Variants in PTPRN2 observed in about 807,000 individuals in gnomAD.
The protein encoded by PTPRN2 is protein tyrosine phosphatase receptor type N2.
PTPRN2 carries 74 observed loss-of-function variants against 118.8 expected under a neutral mutation model. The observed-to-expected ratio is 0.62, with a 90% confidence interval of 0.52 to 0.76. The LOEUF (loss-of-function observed/expected upper bound fraction) is 0.76, where lower values mean the gene tolerates loss of function less well. PTPRN2 is among the 30% of genes least tolerant of loss of function. PTPRN2 has a pLI of 0.00. For missense variants in PTPRN2, 1,481 were observed against 1,394.4 expected, an observed-to-expected ratio of 1.06 and a Z score of -0.99; for synonymous variants, 641 against 608.0, an observed-to-expected ratio of 1.05 and a Z score of -0.80.
rs982535399 is a variant in PTPRN2, at chr7:158,544,659, G to T, written c.112+42899C>A. Among the ~76,000 whole-genome samples, 1 of 152,010 alleles carries T rather than the reference G, an allele frequency of 6.6e-6. No individual in the cohort carries two copies. Among genetic ancestry groups the T allele is most frequent in the African/African-American group, 2.4e-5 (1 of 41,380 alleles). The stretch of plus-strand genomic sequence containing the variant: ...GTCTCAAAAAAAAAAAAAATTATGA[G>T]ATTTTTTTGCAATTTTTTAAAGCTC... On this transcript the variant is annotated intron_variant, in intron 1 of 22. Coordinates refer to ENST00000389418, the MANE Select transcript of PTPRN2 (RefSeq NM_002847.5). This position sits in a 1 kb window ranked among gnomAD's most constrained non-coding sequence, Gnocchi z 4.2.
chr7:158,045,496 G>A (rs116934860), intron 11 of PTPRN2, among the ~76,000 whole-genome samples: 2,272 of 152,272 alleles, frequency 0.015, 34 homozygotes, highest in Middle Eastern at 0.071. Flanking sequence ...TGAGAAACAG[G>A]AAGGAGAGGA....
chr7:157,629,020 C>T lies in PTPRN2; in HGVS notation c.2197-7511G>A, dbSNP rs947656949. Among the ~76,000 whole-genome samples, 1 of 152,172 alleles carries T rather than the reference C, an allele frequency of 6.6e-6. No homozygotes were observed. Among genetic ancestry groups the T allele is most frequent in the Non-Finnish European group, 1.5e-5 (1 of 68,034 alleles). On this transcript the variant is annotated intron_variant, in intron 14 of 22. Transcript: ENST00000389418. The surrounding 1 kb of genome is among the most constrained non-coding windows in gnomAD (Gnocchi z 4.4). ...CAATTTCTCCGGTGGGAAGAGCACA[C>T]CAGCATCCCGTGTGCATCTGATGCA...
At chr7:158,365,836 G>GCA (rs112947057) in intron 2 of PTPRN2, among the ~76,000 whole-genome samples, 7,892 of 14,716 alleles carry the variant, frequency 0.54, 1,365 homozygotes, top group African/African-American at 0.59. Context: ...GTGCATGCGT[G>GCA]CACACACACA....
intron 11 of PTPRN2, among the ~76,000 whole-genome samples, chr7:157,934,361 G>C (rs940334649): frequency 1.3e-5 from 2 of 152,192 alleles, no homozygotes; most frequent in Admixed American, 6.5e-5. Flanking sequence ...GAAGATTTCA[G>C]TATTCATGGC....
At chr7:158,255,491 A>G (rs1385351312) in intron 3 of PTPRN2, among the ~76,000 whole-genome samples, 1 of 152,232 alleles carries the variant, frequency 6.6e-6, no homozygotes, top group Non-Finnish European at 1.5e-5. Flanking sequence ...AACTTGCCTC[A>G]GCACGACAGC....
chr7:158,026,116 G>T (rs1277939191), intron 11 of PTPRN2, among the ~76,000 whole-genome samples: 1 of 152,252 alleles, frequency 6.6e-6, no homozygotes, highest in Non-Finnish European at 1.5e-5. Flanking sequence ...GATGGAAACC[G>T]GGGTCGGCGC....
chr7:157,729,392 C>A lies in PTPRN2; in HGVS notation c.1789-46455G>T, dbSNP rs1796245. Among the ~76,000 whole-genome samples the A allele has an allele frequency of 0.3, 45,550 of 151,664 alleles. 7,377 individuals carry two copies. The highest frequency in any genetic ancestry group is 0.62 in the East Asian group (3,178 of 5,098). On this transcript the variant is annotated intron_variant, in intron 12 of 22. Transcript: ENST00000389418. The surrounding 1 kb of genome is among the most constrained non-coding windows in gnomAD (Gnocchi z 4.3). ...GGATGCCTTCAGGTCCCGGACCCCC[C>A]ACTCTGCTCCCGTGGACAGCTCCAT...
rs375766003 is a variant in PTPRN2 at position 158,484,959 on chromosome 7, G to A, written c.163+4776C>T. 1.3e-3 allele frequency among the ~76,000 whole-genome samples: 202 copies of A among 152,282 alleles called. 3 individuals are homozygous for A. The South Asian group carries it at 0.022, about 16-fold the overall frequency. On this transcript the variant is annotated intron_variant, in intron 2 of 22. Transcript: ENST00000389418. Reference sequence around the variant, plus strand: ...CAGGAGGAGCCTCCCCACCATCAGCGTGGCCGGCGGAGTGAGCCACGAGCG... The same window carrying A: ...CAGGAGGAGCCTCCCCACCATCAGCATGGCCGGCGGAGTGAGCCACGAGCG...
At chr7:157,830,123 A>G (rs116038256) in intron 12 of PTPRN2, among the ~76,000 whole-genome samples, 3,052 of 118,362 alleles carry the variant, frequency 0.026, 80 homozygotes, top group South Asian at 0.093. Flanking sequence ...TCTTGGTCCC[A>G]TGGGAAGTGC....
chr7:157,883,993 A>C (rs1796318996), intron 12 of PTPRN2, among the ~76,000 whole-genome samples: 1 of 152,102 alleles, frequency 6.6e-6, no homozygotes, highest in African/African-American at 2.4e-5. Context: ...ATCACCCCAA[A>C]AATGACTGTT....
intron 2 of PTPRN2, among the ~76,000 whole-genome samples, chr7:158,409,675 A>G (rs1414183015): frequency 6.6e-6 from 1 of 151,356 alleles, no homozygotes; most frequent in Non-Finnish European, 1.5e-5. Flanking sequence ...ACAACAGAAA[A>G]CCTCCACTGG....
At chr7:158,146,521 A>G (rs1445674102) in intron 6 of PTPRN2, among the ~76,000 whole-genome samples, 1 of 152,014 alleles carries the variant, frequency 6.6e-6, no homozygotes, top group African/African-American at 2.4e-5. Flanking sequence ...GGAGATCAAG[A>G]CCATCCTGAC....
At chr7:158,273,523 AGGAGCCGCAGACACGG>A (rs1224656012) in intron 3 of PTPRN2, among the ~76,000 whole-genome samples, 6 of 50,294 alleles carry the variant, frequency 1.2e-4, no homozygotes, top group Non-Finnish European at 1.9e-4. Flanking sequence ...CAGACATGGG[AGGAGCCGCAGACACGG>A]GGAGCCGCAG....
chr7:157,939,149 C>G (rs10949675), intron 11 of PTPRN2, among the ~76,000 whole-genome samples: 2 of 150,904 alleles, frequency 1.3e-5, no homozygotes, highest in Non-Finnish European at 2.9e-5. Flanking sequence ...CAGGTCCCCA[C>G]CTCAATAGCA....
At chr7:158,394,815 C>T (rs1812212022) in intron 2 of PTPRN2, among the ~76,000 whole-genome samples, 1 of 152,240 alleles carries the variant, frequency 6.6e-6, no homozygotes, top group Non-Finnish European at 1.5e-5. Flanking sequence ...GGAGACCCGA[C>T]ACCCTCACCT....
At chr7:158,007,543 G>C (rs566950849) in intron 11 of PTPRN2, among the ~76,000 whole-genome samples, 3 of 152,210 alleles carry the variant, frequency 2.0e-5, no homozygotes, top group Non-Finnish European at 4.4e-5. Context: ...AGGGAGCAGA[G>C]AGCGGACGAT....
At chr7:157,595,215 G>T in intron 17 of PTPRN2, 23 bp downstream of exon 17, 3 of 1,609,486 alleles carry the variant, frequency 1.9e-6, no homozygotes, top group Non-Finnish European at 2.6e-6. Flanking sequence ...CAGAAAGAGA[G>T]ATTTTAATTT....
At position 157,869,811 on chromosome 7, in the gene PTPRN2, A is replaced by G. The variant is rs1388071508; in HGVS notation, c.1788+28862T>C. Reference sequence around the variant, plus strand: ...GCTTTCCCAGGCATTTTTCTGCTAAAGTTTTTATAACTTTCTCAAAACACC... The same window carrying G: ...GCTTTCCCAGGCATTTTTCTGCTAAGGTTTTTATAACTTTCTCAAAACACC... On this transcript the variant is annotated intron_variant, in intron 12 of 22. Coordinates refer to ENST00000389418, the MANE Select transcript of PTPRN2 (RefSeq NM_002847.5). The surrounding 1 kb of genome is among the most constrained non-coding windows in gnomAD (Gnocchi z 4.2). Among the ~76,000 whole-genome samples, 2 of 152,294 alleles carry G rather than the reference A, an allele frequency of 1.3e-5. No homozygotes were observed. The highest frequency in any genetic ancestry group is 3.9e-4 in the East Asian group (2 of 5,184).
At chr7:158,341,951 G>C (rs1806922408) in intron 2 of PTPRN2, among the ~76,000 whole-genome samples, 1 of 138,652 alleles carries the variant, frequency 7.2e-6, no homozygotes, top group South Asian at 2.3e-4. Flanking sequence ...CATAAGAGCT[G>C]TCGCCCGCAG....
Sources: allele counts gnomAD v4.1 joint callset (sites outside exome capture counted in the v4.1 genomes callset), GRCh38; gene constraint gnomAD v4.1.1; non-coding constraint Gnocchi (gnomAD v3.1); transcripts MANE v1.5; gene names NCBI Gene and HGNC (gene_info 2026-07-23, HGNC 2026-07-21).